FAT3: variants seen among roughly 807,000 people sequenced by gnomAD.
FAT3 encodes protocadherin Fat 3.
In FAT3, 95 loss-of-function variants were observed where a neutral mutation model predicts 310.2. That is an observed-to-expected ratio of 0.31 (90% CI 0.26 to 0.36). The LOEUF is 0.36. Among genes scored for constraint, FAT3 ranks in the 10% least tolerant of loss-of-function variants. The pLI, the probability that FAT3 is intolerant of heterozygous loss-of-function variation, is 1.00. For missense variants in FAT3, 5,408 were observed against 5,715.6 expected (o/e 0.95, Z 1.74); for synonymous variants, 2,314 against 2,192.9 (o/e 1.06, Z -1.54).
intron 13 of FAT3, among the ~76,000 whole-genome samples, chr11:92,829,394 G>C (rs140258926): frequency 5.7e-4 from 87 of 152,336 alleles, no homozygotes; most frequent in African/African-American, 2.1e-3. Context: ...CCTGTGTGCT[G>C]TATTTATGTC....
intron 22 of FAT3, among the ~76,000 whole-genome samples, chr11:92,875,454 A>G (rs1010579490): frequency 1.3e-5 from 2 of 151,046 alleles, no homozygotes; most frequent in African/African-American, 4.9e-5. Context: ...CAAAGCAATC[A>G]GCTTCTCTGT....
chr11:92,460,414 G>T (rs933611348), intron 2 of FAT3, among the ~76,000 whole-genome samples: 13 of 152,198 alleles, frequency 8.5e-5, no homozygotes, highest in African/African-American at 3.1e-4. Flanking sequence ...CAGGCGAACG[G>T]CAGGGCTGGA....
Position 92,800,891 on chromosome 11 carries a change from T to G in FAT3, c.7878T>G (p.Asp2626Glu), listed in dbSNP as rs182770849. The G allele has an allele frequency of 5.6e-6, 9 of 1,613,180 alleles. No homozygotes were observed. The highest frequency in any genetic ancestry group is 7.6e-6 in the Non-Finnish European group (9 of 1,179,640). ...GHLVTQVQAI[D>E]PDDGANSRIT... ...TGGTCACTCAAGTTCAAGCCATAGA[T>G]CCCGATGATGGAGCAAATTCAAGGA... Residue 2626 changes from aspartate (D) to glutamate (E), a missense_variant, in exon 10 of 28, where the codon GAT (aspartate) becomes GAG (glutamate). This residue lies in a region of FAT3 where 4,588 missense variants were observed against 4,809.8 expected (regional missense o/e 0.95). Transcript: ENST00000525166.
intron 13 of FAT3, among the ~76,000 whole-genome samples, chr11:92,826,183 A>G (rs1948100379): frequency 6.6e-6 from 1 of 152,170 alleles, no homozygotes; most frequent in Non-Finnish European, 1.5e-5. Flanking sequence ...ACTTCTCAAA[A>G]GAAACAAAAC....
intron 3 of FAT3, among the ~76,000 whole-genome samples, chr11:92,610,072 C>T (rs764993373): frequency 4.0e-5 from 6 of 151,756 alleles, no homozygotes; most frequent in Non-Finnish European, 8.8e-5. Flanking sequence ...TTAAGTAAGT[C>T]GATATTATGT....
intron 1 of FAT3, among the ~76,000 whole-genome samples, chr11:92,347,828 G>A (rs534557487): frequency 9.2e-5 from 14 of 152,262 alleles, no homozygotes; most frequent in African/African-American, 3.4e-4. Flanking sequence ...AATAGGCTCT[G>A]AGGTTGGGAA....
At chr11:92,270,054 T>C (rs545448138) in intron 1 of FAT3, among the ~76,000 whole-genome samples, 1 of 152,264 alleles carries the variant, frequency 6.6e-6, no homozygotes, top group East Asian at 1.9e-4. Context: ...TCCTCTCCAT[T>C]AAGGCTCTCT....
At chr11:92,575,549 T>G (rs1177154160) in intron 3 of FAT3, among the ~76,000 whole-genome samples, 3 of 152,164 alleles carry the variant, frequency 2.0e-5, no homozygotes, top group Non-Finnish European at 2.9e-5. Flanking sequence ...GTGTGTGGAG[T>G]TCACCCTTTG....
chr11:92,398,603 C>G (rs1336282201), intron 2 of FAT3, among the ~76,000 whole-genome samples: 1 of 151,194 alleles, frequency 6.6e-6, no homozygotes, highest in Admixed American at 6.6e-5. Context: ...ATTGCCTCTA[C>G]TACAGACCTT....
intron 4 of FAT3, among the ~76,000 whole-genome samples, chr11:92,742,525 G>GTGTT (rs1439724168): frequency 6.6e-6 from 1 of 152,220 alleles, no homozygotes; most frequent in East Asian, 1.9e-4. Context: ...AATCCCCAAT[G>GTGTT]CAACCATGTC....
intron 13 of FAT3, among the ~76,000 whole-genome samples, chr11:92,814,517 C>T (rs1020442521): frequency 1.8e-4 from 27 of 152,118 alleles, no homozygotes; most frequent in Non-Finnish European, 3.2e-4. Context: ...GCATGAAGTT[C>T]TTAGTTTTCC....
chr11:92,589,274 A>T (rs1477025777), intron 3 of FAT3, among the ~76,000 whole-genome samples: 1 of 152,076 alleles, frequency 6.6e-6, no homozygotes, highest in Non-Finnish European at 1.5e-5. Context: ...AGGCTGGAAA[A>T]TGTGTGTGGT....
At chr11:92,519,327 T>C (rs1314243398) in intron 2 of FAT3, among the ~76,000 whole-genome samples, 1 of 151,990 alleles carries the variant, frequency 6.6e-6, no homozygotes, top group Non-Finnish European at 1.5e-5. Flanking sequence ...GCTGGAACAA[T>C]GAACATCTAC....
intron 3 of FAT3, among the ~76,000 whole-genome samples, chr11:92,593,839 A>G (rs963484126): frequency 6.6e-6 from 1 of 152,332 alleles, no homozygotes; most frequent in South Asian, 2.1e-4. Context: ...AGGAAAGTCT[A>G]TTGAAACAAA....
intron 19 of FAT3, among the ~76,000 whole-genome samples, chr11:92,845,739 G>C (rs1355270946): frequency 6.6e-6 from 1 of 152,210 alleles, no homozygotes; most frequent in Non-Finnish European, 1.5e-5. Flanking sequence ...ACCATGGCCA[G>C]AGGGAGGCCA....
intron 3 of FAT3, among the ~76,000 whole-genome samples, chr11:92,639,870 T>C (rs544473162): frequency 2.6e-4 from 40 of 152,278 alleles, no homozygotes; most frequent in African/African-American, 8.7e-4. Flanking sequence ...ATTTATATAA[T>C]CACCTTACAG....
chr11:92,330,701 A>G (rs192894021), intron 1 of FAT3, among the ~76,000 whole-genome samples: 11 of 152,300 alleles, frequency 7.2e-5, no homozygotes, highest in Admixed American at 4.6e-4. Context: ...AAATATGCAA[A>G]TAAATGGAGT....
chr11:92,668,303 C>T (rs1943020447), intron 3 of FAT3, among the ~76,000 whole-genome samples: 1 of 152,180 alleles, frequency 6.6e-6, no homozygotes, highest in Non-Finnish European at 1.5e-5. Flanking sequence ...AAATACACAT[C>T]TTCAATACCT....
At chr11:92,327,985 A>C (rs1360805810) in intron 1 of FAT3, among the ~76,000 whole-genome samples, 1 of 152,180 alleles carries the variant, frequency 6.6e-6, no homozygotes, top group African/African-American at 2.4e-5. Context: ...TCTTTCCAAC[A>C]AGAGGATAGG....
Sources: gnomAD v4.1 joint callset for allele counts (sites outside exome capture counted in the v4.1 genomes callset) on GRCh38, gnomAD v4.1.1 for gene constraint, gnomAD v4.1.1 regional missense constraint, MANE v1.5 for transcripts, NCBI Gene and HGNC (gene_info 2026-07-23, HGNC 2026-07-21) for gene names.